The following RHOU variants were observed in gnomAD, a reference collection of about 807,000 sequenced individuals.
RHOU encodes rho-related GTP-binding protein RhoU.
A neutral mutation model predicts 12.6 loss-of-function variants in RHOU; 8 were observed. The ratio of observed to expected loss-of-function variants is 0.64; its 90% CI spans 0.37 to 1.15. RHOU has a LOEUF of 1.15. Among genes scored for constraint, RHOU ranks in the 50% most tolerant of loss-of-function variants. The probability of loss-of-function intolerance (pLI) is 0.01; values close to 1 mark genes in which losing one functional copy is unlikely to be tolerated. For synonymous variants in RHOU, 161 were observed against 147.4 expected (o/e 1.09, Z -0.67); for missense variants, 258 against 347.0 (o/e 0.74, Z 2.04).
In RHOU at chr1:228,737,811, T is replaced by G. The variant is rs974665712; in HGVS notation, c.321+80T>G. Reference sequence around the variant, plus strand: ...TCCAAATAACCTTTGATTCCCTCAGTCAGTAACTGGGTCATTCTAAAGCCT... The same window carrying G: ...TCCAAATAACCTTTGATTCCCTCAGGCAGTAACTGGGTCATTCTAAAGCCT... On this transcript the variant is annotated intron_variant, in intron 2 of 2. Coordinates refer to ENST00000366691, the MANE Select transcript of RHOU (RefSeq NM_021205.6). This position sits in a 1 kb window ranked among gnomAD's most constrained non-coding sequence, Gnocchi z 4.1. The G allele has an allele frequency of 2.8e-6, 4 of 1,443,412 alleles. No homozygotes were observed. Among genetic ancestry groups the G allele is most frequent in the Non-Finnish European group, 3.9e-6 (4 of 1,028,706 alleles). The allele number at this position is 1,443,412 out of a possible 1,614,324, so 89.4% of individuals were successfully genotyped here.
chr1:228,691,210 A>G, the RHOU span, among the ~76,000 whole-genome samples: 107 of 152,292 alleles, frequency 7.0e-4, no homozygotes, highest in African/African-American at 2.5e-3. Context: ...CATTTCCTAC[A>G]GAGTAGTACG....
At chr1:228,671,332 A>G in the RHOU span, among the ~76,000 whole-genome samples, 1 of 152,176 alleles carries the variant, frequency 6.6e-6, no homozygotes, top group East Asian at 1.9e-4. Flanking sequence ...GCAATGTGAA[A>G]ACAGACTAAT....
chr1:228,704,536 C>T, the RHOU span, among the ~76,000 whole-genome samples: 3 of 152,052 alleles, frequency 2.0e-5, no homozygotes, highest in Non-Finnish European at 4.4e-5. Flanking sequence ...TGGCTCACTG[C>T]AACCTCTGTC....
intron 2 of RHOU, among the ~76,000 whole-genome samples, chr1:228,741,867 A>G (rs1444325158): frequency 2.0e-5 from 3 of 152,194 alleles, no homozygotes; most frequent in African/African-American, 7.2e-5. Context: ...CTGAAATACC[A>G]CATTGATTGC....
chr1:228,646,865 G>A, the RHOU span, among the ~76,000 whole-genome samples: 2 of 151,980 alleles, frequency 1.3e-5, no homozygotes, highest in Non-Finnish European at 2.9e-5. Context: ...GGAGAAGATG[G>A]ATGGAGAGAT....
At chr1:228,723,526 C>T in the RHOU span, among the ~76,000 whole-genome samples, 1 of 152,184 alleles carries the variant, frequency 6.6e-6, no homozygotes, top group African/African-American at 2.4e-5. Flanking sequence ...TGTTGCCAGG[C>T]ACATGTGGGG....
chr1:228,693,616 G>A, the RHOU span, among the ~76,000 whole-genome samples: 7 of 152,158 alleles, frequency 4.6e-5, no homozygotes, highest in Admixed American at 3.3e-4. Context: ...ACAGGCACGC[G>A]CCACCACGGC....
the RHOU span, among the ~76,000 whole-genome samples, chr1:228,721,746 C>T: frequency 1.8e-4 from 28 of 152,308 alleles, no homozygotes; most frequent in African/African-American, 6.0e-4. Context: ...CTGCAACCTC[C>T]GCCACCCGGG....
At chr1:228,712,828 TAAATAAAATAAAATAAAATA>T in the RHOU span, among the ~76,000 whole-genome samples, 14 of 119,160 alleles carry the variant, frequency 1.2e-4, no homozygotes, top group South Asian at 2.4e-4. Context: ...AATAAATAAA[TAAATAAAATAAAATAAAATA>T]AAATAAAATA....
chr1:228,735,738 G>A lies in RHOU; in HGVS notation c.-5G>A. ...CCGCGACCGCAAGCCCGCGCTCGCG[G>A]ATCGATGCCCCCGCAGCAGGGGGAC... On this transcript the variant is annotated 5_prime_UTR_variant, in exon 1 of 3. Transcript: ENST00000366691. The surrounding 1 kb of genome is among the most constrained non-coding windows in gnomAD (Gnocchi z 8.1). 5 of 1,204,826 alleles carry A rather than the reference G, an allele frequency of 4.1e-6. No individual in the cohort carries two copies. The highest frequency in any genetic ancestry group is 3.1e-6 in the Non-Finnish European group (3 of 970,986). 74.6% of individuals were successfully genotyped at this position (1,204,826 alleles called of 1,614,324 possible).
chr1:228,712,828 TAAATAAAATA>T, the RHOU span, among the ~76,000 whole-genome samples: 9,940 of 118,996 alleles, frequency 0.084, 418 homozygotes, highest in African/African-American at 0.13. Flanking sequence ...AATAAATAAA[TAAATAAAATA>T]AAATAAAATA....
At chr1:228,723,787 C>T in the RHOU span, among the ~76,000 whole-genome samples, 4 of 152,232 alleles carry the variant, frequency 2.6e-5, no homozygotes, top group Admixed American at 6.5e-5. Flanking sequence ...AGAATTTACA[C>T]CATCTTTACG....
chr1:228,646,933 A>T, the RHOU span, among the ~76,000 whole-genome samples: 1 of 152,040 alleles, frequency 6.6e-6, no homozygotes, highest in East Asian at 1.9e-4. Context: ...GTGGAGAGGT[A>T]AAGAGAGAGA....
chr1:228,722,856 C>T, the RHOU span, among the ~76,000 whole-genome samples: 7 of 152,098 alleles, frequency 4.6e-5, no homozygotes, highest in Admixed American at 3.9e-4. Flanking sequence ...CTCCTGACTT[C>T]GTGATCTGCC....
the RHOU span, among the ~76,000 whole-genome samples, chr1:228,655,594 C>T: frequency 6.6e-6 from 1 of 152,154 alleles, no homozygotes; most frequent in Non-Finnish European, 1.5e-5. Context: ...CCCTCTAAAC[C>T]TCTCTTGTTG....
the RHOU span, among the ~76,000 whole-genome samples, chr1:228,707,371 GCGTGAGCGA>G: frequency 1.3e-5 from 2 of 148,888 alleles, no homozygotes; most frequent in Non-Finnish European, 3.0e-5. Context: ...ACAGCTCCCA[GCGTGAGCGA>G]CACAGAAGAT....
chr1:228,669,469 C>T, the RHOU span, among the ~76,000 whole-genome samples: 1 of 152,172 alleles, frequency 6.6e-6, no homozygotes, highest in Admixed American at 6.5e-5. Flanking sequence ...CTCTCACCTC[C>T]TAATTTTTTC....
the RHOU span, among the ~76,000 whole-genome samples, chr1:228,721,825 T>C: frequency 6.6e-6 from 1 of 152,188 alleles, no homozygotes; most frequent in Non-Finnish European, 1.5e-5. Context: ...TTTTGTATTT[T>C]GTATTTTTAG....
At chr1:228,735,145 T>A (rs1242650287), upstream of RHOU, 2 of 152,024 alleles carry the variant, frequency 1.3e-5, no homozygotes, top group Admixed American at 6.6e-5. The surrounding 1 kb of genome is among the most constrained non-coding windows in gnomAD (Gnocchi z 8.1). Flanking sequence ...AAGCGGAACC[T>A]CCCGGGCCAG....
Sources: allele counts gnomAD v4.1 joint callset (sites outside exome capture counted in the v4.1 genomes callset), GRCh38; gene constraint gnomAD v4.1.1; non-coding constraint Gnocchi (gnomAD v3.1); transcripts MANE v1.5; gene names NCBI Gene and HGNC (gene_info 2026-07-23, HGNC 2026-07-21).